Variants in MGMT observed in about 807,000 individuals in gnomAD.
MGMT encodes the protein O-6-methylguanine-DNA methyltransferase.
Under a neutral mutation model 15.9 loss-of-function variants are expected in MGMT, and 14 were observed. That is an observed-to-expected ratio of 0.88 (90% CI 0.58 to 1.37). The LOEUF (loss-of-function observed/expected upper bound fraction) is 1.37. MGMT is among the 40% of genes most tolerant of loss of function. The pLI, the probability that MGMT is intolerant of heterozygous loss-of-function variation, is 0.00. For missense variants in MGMT, 282 were observed against 268.1 expected (o/e 1.05, Z -0.36); for synonymous variants, 130 against 118.2 (o/e 1.10, Z -0.65).
At chr10:129,551,538 A>C (rs773794493) in intron 2 of MGMT, among the ~76,000 whole-genome samples, 3 of 152,132 alleles carry the variant, frequency 2.0e-5, no homozygotes, top group Non-Finnish European at 4.4e-5. Context: ...CCTCATCCCC[A>C]GTCTGACAAC....
chr10:129,482,052 T>A (rs1261588322), intron 1 of MGMT, among the ~76,000 whole-genome samples: 2 of 152,224 alleles, frequency 1.3e-5, no homozygotes, highest in Non-Finnish European at 2.9e-5. Context: ...CTAAAAATTC[T>A]CTCTAAGCAC....
intron 2 of MGMT, among the ~76,000 whole-genome samples, chr10:129,676,001 G>A (rs1847780893): frequency 6.6e-6 from 1 of 152,212 alleles, no homozygotes; most frequent in Non-Finnish European, 1.5e-5. Flanking sequence ...GCTGCTACCT[G>A]GCACTGCGCC....
At chr10:129,650,490 G>T (rs1352113786) in intron 2 of MGMT, among the ~76,000 whole-genome samples, 1 of 152,184 alleles carries the variant, frequency 6.6e-6, no homozygotes, top group Non-Finnish European at 1.5e-5. Context: ...GCCTCCGAAG[G>T]TGCCGGTACG....
intron 3 of MGMT, among the ~76,000 whole-genome samples, chr10:129,731,759 T>C (rs1315299383): frequency 6.6e-6 from 1 of 152,184 alleles, no homozygotes; most frequent in African/African-American, 2.4e-5. Context: ...CAGGATATCA[T>C]AGGTAATATG....
intron 2 of MGMT, among the ~76,000 whole-genome samples, chr10:129,612,116 C>A (rs181703382): frequency 3.3e-5 from 5 of 152,178 alleles, no homozygotes; most frequent in Admixed American, 2.6e-4. Context: ...CAGGGGACTT[C>A]CAGCTTATAG....
chr10:129,593,530 G>A (rs992161576), intron 2 of MGMT, among the ~76,000 whole-genome samples: 9 of 152,150 alleles, frequency 5.9e-5, no homozygotes, highest in African/African-American at 1.4e-4. Flanking sequence ...GAATTGCTTC[G>A]GATCCTTAGC....
chr10:129,631,217 A>G (rs1158866180), intron 2 of MGMT, among the ~76,000 whole-genome samples: 1 of 152,062 alleles, frequency 6.6e-6, no homozygotes, highest in African/African-American at 2.4e-5. Context: ...CAGCTGTGAC[A>G]ACGTAGCCTG....
rs1224286367 is a variant in MGMT, at chr10:129,770,686, G to T, written c.*3689G>T. 6.6e-6 allele frequency among the ~76,000 whole-genome samples: 1 copy of T among 152,206 alleles called. No individual in the cohort carries two copies. Among genetic ancestry groups the T allele is most frequent in the Non-Finnish European group, 1.5e-5 (1 of 68,036 alleles). On this transcript the variant is annotated 3_prime_UTR_variant, in exon 5 of 5. Transcript: ENST00000651593. ...AGGATTCTGAAGTGAGAGATAAATT[G>T]GCTTCATGTATGAGCAAGGGGGAAA... is the stretch of plus-strand genomic sequence containing the variant.
intron 2 of MGMT, among the ~76,000 whole-genome samples, chr10:129,625,534 C>A (rs1047948574): frequency 1.3e-5 from 2 of 152,124 alleles, no homozygotes; most frequent in African/African-American, 4.8e-5. Flanking sequence ...GGGGTTTATT[C>A]CATTCAAAAA....
intron 1 of MGMT, among the ~76,000 whole-genome samples, chr10:129,523,283 G>A (rs1021547849): frequency 6.6e-6 from 1 of 152,278 alleles, no homozygotes; most frequent in South Asian, 2.1e-4. Context: ...CCACACGGCC[G>A]GGGCAGCTTC....
At chr10:129,701,385 C>G (rs560463708) in intron 2 of MGMT, 1 of 152,318 alleles carries the variant, frequency 6.6e-6, no homozygotes, top group South Asian at 2.1e-4. Context: ...GTCCCACGGT[C>G]AGCCCGATGG....
At chr10:129,709,073 C>G (rs569195525) in intron 3 of MGMT, among the ~76,000 whole-genome samples, 165 of 152,334 alleles carry the variant, frequency 1.1e-3, no homozygotes, top group African/African-American at 3.9e-3. Context: ...AGCTGTGCAG[C>G]TATAATGAAC....
intron 2 of MGMT, among the ~76,000 whole-genome samples, chr10:129,706,014 T>C (rs1177851470): frequency 6.6e-6 from 1 of 152,190 alleles, no homozygotes; most frequent in Non-Finnish European, 1.5e-5. Context: ...CCTGCACCAT[T>C]GCCATGTTCT....
chr10:129,600,422 G>A (rs1326902628), intron 2 of MGMT, among the ~76,000 whole-genome samples: 1 of 152,190 alleles, frequency 6.6e-6, no homozygotes, highest in Non-Finnish European at 1.5e-5. Flanking sequence ...ATAGGAGAAT[G>A]TTTGGGGAAT....
rs1290953850 is a variant in MGMT at position 129,501,897 on chromosome 10, A to G, written c.-12-34344A>G. Among the ~76,000 whole-genome samples, 10 of 152,302 alleles carry G rather than the reference A, an allele frequency of 6.6e-5. No individual in the cohort carries two copies. In the East Asian group the frequency reaches 1.9e-3, roughly 29 times the overall value. On this transcript the variant is annotated intron_variant, in intron 1 of 4. Transcript: ENST00000651593. ...CCACTCCTTCAAGGGTGGCTTGGTC[A>G]TGGACTTGGTTTGGCTAATGAGCGT...
chr10:129,595,247 C>T (rs909954187), intron 2 of MGMT, among the ~76,000 whole-genome samples: 7 of 152,188 alleles, frequency 4.6e-5, no homozygotes, highest in East Asian at 3.9e-4. Context: ...GAGACGGACA[C>T]GCTTAGTTCC....
chr10:129,511,791 C>G (rs1012661646), intron 1 of MGMT, among the ~76,000 whole-genome samples: 1 of 152,170 alleles, frequency 6.6e-6, no homozygotes, highest in Admixed American at 6.5e-5. Flanking sequence ...GGCCTAGAGC[C>G]CCCCTATGCA....
At chr10:129,562,299 C>T (rs1846290145) in intron 2 of MGMT, among the ~76,000 whole-genome samples, 1 of 152,176 alleles carries the variant, frequency 6.6e-6, no homozygotes. Flanking sequence ...CCATTCGAAC[C>T]TGGCCTGCCC....
At chr10:129,577,481 A>G (rs1411401043) in intron 2 of MGMT, among the ~76,000 whole-genome samples, 6 of 152,374 alleles carry the variant, frequency 3.9e-5, no homozygotes, top group Non-Finnish European at 5.9e-5. Flanking sequence ...CTGGCTAGCC[A>G]TATGTAGAAA....
Sources: allele counts gnomAD v4.1 joint callset (sites outside exome capture counted in the v4.1 genomes callset), GRCh38; gene constraint gnomAD v4.1.1; transcripts MANE v1.5; gene names NCBI Gene and HGNC (gene_info 2026-07-23, HGNC 2026-07-21).